The following CNTN5 variants were observed in gnomAD, a reference collection of about 807,000 sequenced individuals.
CNTN5 encodes contactin 5.
CNTN5 carries 77 observed loss-of-function variants against 129.1 expected under a neutral mutation model. The ratio of observed to expected loss-of-function variants is 0.60; its 90% CI spans 0.50 to 0.72. CNTN5 has a LOEUF of 0.72. Ranked by LOEUF, CNTN5 falls within the 30% of genes least tolerant of loss-of-function variation. The pLI, the probability that CNTN5 is intolerant of heterozygous loss-of-function variation, is 0.00. For synonymous variants in CNTN5, 509 were observed against 465.6 expected, an observed-to-expected ratio of 1.09 and a Z score of -1.20; for missense variants, 1,478 against 1,328.8, an observed-to-expected ratio of 1.11 and a Z score of -1.75.
At chr11:99,480,967 T>C (rs1945574580) in intron 2 of CNTN5, among the ~76,000 whole-genome samples, 1 of 152,182 alleles carries the variant, frequency 6.6e-6, no homozygotes, top group African/African-American at 2.4e-5. Flanking sequence ...GAAATTCACT[T>C]GCATATGTCC....
chr11:100,131,008 AC>A (rs1280828427), intron 13 of CNTN5, among the ~76,000 whole-genome samples: 1 of 152,132 alleles, frequency 6.6e-6, no homozygotes, highest in Non-Finnish European at 1.5e-5. Flanking sequence ...CAAGATGGTA[AC>A]GGAGAGCAGG....
intron 10 of CNTN5, among the ~76,000 whole-genome samples, chr11:100,066,215 T>A (rs1317785647): frequency 6.6e-6 from 1 of 152,134 alleles, no homozygotes; most frequent in Non-Finnish European, 1.5e-5. Context: ...GTTAAATAAC[T>A]CATTCTCAGC....
At chr11:99,964,951 G>C (rs4519064) in intron 8 of CNTN5, among the ~76,000 whole-genome samples, 39,445 of 152,110 alleles carry the variant, frequency 0.26, 5,978 homozygotes, top group South Asian at 0.35. Flanking sequence ...TTTGCGTAGA[G>C]ATGTTTACAG....
intron 23 of CNTN5, among the ~76,000 whole-genome samples, chr11:100,344,136 A>G (rs1052072264): frequency 1.3e-5 from 2 of 152,094 alleles, no homozygotes; most frequent in African/African-American, 4.8e-5. Context: ...GCAAGCAGAA[A>G]GGATCACTGG....
chr11:99,720,938 A>G (rs748494588), intron 3 of CNTN5, among the ~76,000 whole-genome samples: 1 of 152,144 alleles, frequency 6.6e-6, no homozygotes, highest in African/African-American at 2.4e-5. Flanking sequence ...GTATACATCT[A>G]ACCAGGGTGA....
At chr11:100,060,040 C>G (rs1943398537) in intron 9 of CNTN5, among the ~76,000 whole-genome samples, 1 of 151,858 alleles carries the variant, frequency 6.6e-6, no homozygotes, top group Non-Finnish European at 1.5e-5. Flanking sequence ...GAAACACCAT[C>G]TCTACTAAAA....
intron 1 of CNTN5, among the ~76,000 whole-genome samples, chr11:99,160,317 A>G (rs922718197): frequency 2.0e-5 from 3 of 152,210 alleles, no homozygotes; most frequent in African/African-American, 7.2e-5. Context: ...TTCCTGAAGT[A>G]TGTGCAATAT....
chr11:99,734,546 A>G (rs1049612443), intron 3 of CNTN5, among the ~76,000 whole-genome samples: 2 of 152,172 alleles, frequency 1.3e-5, no homozygotes, highest in Non-Finnish European at 2.9e-5. Context: ...AAACATTATT[A>G]TATATCATAC....
At chr11:99,579,634 C>G (rs78875693) in intron 3 of CNTN5, among the ~76,000 whole-genome samples, 112,423 of 132,464 alleles carry the variant, frequency 0.85, 47,830 homozygotes, top group Middle Eastern at 0.9. Context: ...CTCTGTTTGT[C>G]TGTTATTGGT....
chr11:99,791,922 A>G (rs1299491992), intron 3 of CNTN5, among the ~76,000 whole-genome samples: 2 of 152,106 alleles, frequency 1.3e-5, no homozygotes, highest in Non-Finnish European at 2.9e-5. Flanking sequence ...TTGTTGATGT[A>G]TAGGAATGTT....
At position 99,422,516 on chromosome 11, in the gene CNTN5, TTTTATATATATATATATATATA is replaced by T. The variant is rs1483347433; in HGVS notation, c.-71+97034_-71+97055del. Among the ~76,000 whole-genome samples, 108 of 100,418 alleles carry T rather than the reference TTTTATATATATATATATATATA, an allele frequency of 1.1e-3. 3 individuals are homozygous for T. Among genetic ancestry groups the T allele is most frequent in the South Asian group, 1.3e-3 (4 of 3,048 alleles). 65.9% of individuals were successfully genotyped at this position (100,418 alleles called of 152,430 possible). A position where few individuals can be genotyped will look rare whatever the true frequency, so the allele number is the denominator to read the frequency against. ...AAAAGCGATTCATGTTACTTTATATTTTTATATATATATATATATATATATATATATATATATATATATATCT... is the reference window on the plus strand; with the variant it reads ...AAAAGCGATTCATGTTACTTTATATTTATATATATATATATATATATATCT... On this transcript the variant is annotated intron_variant, in intron 2 of 24. Transcript: ENST00000524871.
chr11:99,496,558 T>C (rs764596724), intron 2 of CNTN5, among the ~76,000 whole-genome samples: 2 of 152,184 alleles, frequency 1.3e-5, no homozygotes, highest in African/African-American at 2.4e-5. Context: ...GAACAGCAAA[T>C]GGGAACATTT....
chr11:99,492,568 T>C (rs1946077461), intron 2 of CNTN5, among the ~76,000 whole-genome samples: 1 of 152,152 alleles, frequency 6.6e-6, no homozygotes, highest in Non-Finnish European at 1.5e-5. Context: ...TTATTATTAC[T>C]ATTAATTTTA....
chr11:99,468,919 T>C (rs1945057413), intron 2 of CNTN5, among the ~76,000 whole-genome samples: 1 of 152,128 alleles, frequency 6.6e-6, no homozygotes. Flanking sequence ...TAATAGCATC[T>C]ATTTGTGAAA....
chr11:100,260,653 A>G (rs1408568346), intron 17 of CNTN5, among the ~76,000 whole-genome samples: 1 of 152,196 alleles, frequency 6.6e-6, no homozygotes, highest in East Asian at 1.9e-4. Context: ...ATGCAGATCA[A>G]TAAACATAAT....
At chr11:99,389,331 A>G (rs1188865991) in intron 2 of CNTN5, among the ~76,000 whole-genome samples, 11 of 152,112 alleles carry the variant, frequency 7.2e-5, no homozygotes, top group Admixed American at 7.2e-4. Flanking sequence ...CCTGGCCTCC[A>G]GTCCTTATTT....
intron 7 of CNTN5, among the ~76,000 whole-genome samples, chr11:99,950,338 A>T (rs1950643288): frequency 2.0e-5 from 3 of 152,046 alleles, no homozygotes; most frequent in Non-Finnish European, 4.4e-5. Context: ...AAAATTAGCC[A>T]GGTGTGGTGG....
chr11:100,052,230 C>G (rs576258279), intron 9 of CNTN5, among the ~76,000 whole-genome samples: 12 of 151,944 alleles, frequency 7.9e-5, no homozygotes, highest in African/African-American at 2.9e-4. Context: ...ACTTTCTCAT[C>G]TAGGAAAAAT....
At chr11:100,110,123 G>T (rs1185987148) in intron 13 of CNTN5, among the ~76,000 whole-genome samples, 2 of 151,420 alleles carry the variant, frequency 1.3e-5, no homozygotes, top group Admixed American at 6.6e-5. Context: ...GTGGGTGGAG[G>T]TTGCAGTGAG....
Sources: allele counts gnomAD v4.1 joint callset (sites outside exome capture counted in the v4.1 genomes callset), GRCh38; gene constraint gnomAD v4.1.1; transcripts MANE v1.5; gene names NCBI Gene and HGNC (gene_info 2026-07-23, HGNC 2026-07-21).